SPAG16: variants seen among roughly 807,000 people sequenced by gnomAD.
SPAG16 encodes sperm-associated antigen 16 protein.
In SPAG16, 86 loss-of-function variants were observed where a neutral mutation model predicts 80.4. The observed-to-expected ratio is 1.07, with a 90% confidence interval of 0.90 to 1.28. The LOEUF is 1.28. SPAG16 is among the 50% of genes most tolerant of loss of function. The pLI, the probability that SPAG16 is intolerant of heterozygous loss-of-function variation, is 0.00. For synonymous variants in SPAG16, 294 were observed against 265.9 expected, an observed-to-expected ratio of 1.11 and a Z score of -1.03; for missense variants, 870 against 765.3, an observed-to-expected ratio of 1.14 and a Z score of -1.61.
intron 15 of SPAG16, among the ~76,000 whole-genome samples, chr2:214,330,112 G>GAAA (rs5838429): frequency 7.1e-6 from 1 of 139,914 alleles, no homozygotes; most frequent in Non-Finnish European, 1.5e-5. Context: ...ACCAAAAATA[G>GAAA]AAAAAAAAAA....
intron 12 of SPAG16, among the ~76,000 whole-genome samples, chr2:213,969,352 G>A (rs2044888576): frequency 2.0e-5 from 3 of 152,146 alleles, no homozygotes; most frequent in Admixed American, 2.0e-4. Context: ...GAGGTGCCGG[G>A]TGGTTAATCC....
intron 15 of SPAG16, among the ~76,000 whole-genome samples, chr2:214,360,707 C>T (rs1024889621): frequency 6.6e-6 from 1 of 151,810 alleles, no homozygotes; most frequent in Non-Finnish European, 1.5e-5. Flanking sequence ...GAAGTTTAAA[C>T]TTTCCCTCTG....
chr2:213,389,762 G>T (rs2067643983), intron 9 of SPAG16, among the ~76,000 whole-genome samples: 1 of 152,072 alleles, frequency 6.6e-6, no homozygotes, highest in Admixed American at 6.5e-5. Flanking sequence ...AAGTTAATTG[G>T]AACCATTGTT....
rs1456172089 is a variant in SPAG16, at chr2:213,695,008, A to AT, written c.1071-167471dup. Reference sequence around the variant, plus strand: ...CAAAATCTGTACTCTTTGGATCTTGATTTTTTATAGACTTGACATGTAAAA... The same window carrying AT: ...CAAAATCTGTACTCTTTGGATCTTGATTTTTTTATAGACTTGACATGTAAAA... On this transcript the variant is annotated intron_variant, in intron 10 of 15. Coordinates refer to ENST00000331683, the MANE Select transcript of SPAG16 (RefSeq NM_024532.5). 5.3e-5 allele frequency among the ~76,000 whole-genome samples: 8 copies of AT among 151,936 alleles called. No homozygotes were observed. In the East Asian group the frequency reaches 1.2e-3, roughly 22 times the overall value.
Position 213,490,130 on chromosome 2 carries a change from A to G in SPAG16, c.1070+40A>G, listed in dbSNP as rs922496676. The G allele has an allele frequency of 3.9e-6, 6 of 1,524,494 alleles. No homozygotes were observed. The African/African-American group carries it at 7.1e-5, about 18-fold the overall frequency. The allele number at this position is 1,524,494 out of a possible 1,614,324, so 94.4% of individuals were successfully genotyped here. On this transcript the variant is annotated intron_variant, in intron 10 of 15. Coordinates refer to ENST00000331683, the MANE Select transcript of SPAG16 (RefSeq NM_024532.5). ...GTTTTATTAATACTTTTGAGATTTT[A>G]TTTTCATGTCAAAATTTTAATGCTC...
intron 9 of SPAG16, chr2:213,396,840 C>A (rs1456046236): frequency 2.2e-5 from 5 of 230,656 alleles, no homozygotes; most frequent in Non-Finnish European, 4.5e-5. Context: ...TAAAAGGAGT[C>A]CAGGACTTCC....
intron 6 of SPAG16, among the ~76,000 whole-genome samples, chr2:213,342,258 CAA>C (rs2064723578): frequency 6.8e-6 from 1 of 147,738 alleles, no homozygotes; most frequent in Admixed American, 6.8e-5. Flanking sequence ...TAGTATGCAG[CAA>C]AGTGTATATA....
chr2:214,015,564 C>G (rs1025052674), intron 13 of SPAG16, among the ~76,000 whole-genome samples: 1 of 150,824 alleles, frequency 6.6e-6, no homozygotes, highest in Non-Finnish European at 1.5e-5. Context: ...TGCCATTGCA[C>G]TCTAGCCTGG....
intron 12 of SPAG16, among the ~76,000 whole-genome samples, chr2:214,006,292 A>G (rs772619554): frequency 5.3e-4 from 80 of 152,162 alleles, no homozygotes; most frequent in Non-Finnish European, 1.1e-3. Context: ...GGAAATAAAA[A>G]CCCTAAAATT....
At chr2:213,764,247 T>C (rs1382784837) in intron 10 of SPAG16, among the ~76,000 whole-genome samples, 2 of 152,202 alleles carry the variant, frequency 1.3e-5, no homozygotes, top group Non-Finnish European at 1.5e-5. Context: ...TAGGAGTAAT[T>C]TTCTTTCAGT....
intron 15 of SPAG16, among the ~76,000 whole-genome samples, chr2:214,192,303 TC>T (rs1304011846): frequency 6.6e-6 from 1 of 152,152 alleles, no homozygotes; most frequent in East Asian, 1.9e-4. Context: ...CCTTAATGTT[TC>T]TTTTTTCCTG....
chr2:213,780,351 G>C (rs1207372427), intron 10 of SPAG16, among the ~76,000 whole-genome samples: 1 of 152,072 alleles, frequency 6.6e-6, no homozygotes, highest in African/African-American at 2.4e-5. Flanking sequence ...TCTGATTCCA[G>C]GTCTCTTCCC....
At chr2:214,337,511 A>C (rs1247793336) in intron 15 of SPAG16, among the ~76,000 whole-genome samples, 1 of 152,212 alleles carries the variant, frequency 6.6e-6, no homozygotes, top group African/African-American at 2.4e-5. Flanking sequence ...TTATATTTCA[A>C]ATTAACTTAG....
chr2:214,164,502 T>G (rs888250569), intron 15 of SPAG16, among the ~76,000 whole-genome samples: 3 of 151,844 alleles, frequency 2.0e-5, no homozygotes, highest in African/African-American at 4.8e-5. Context: ...TTTTTGTGAG[T>G]GAGATTGGAT....
chr2:213,475,600 G>A (rs1261513408), intron 9 of SPAG16, among the ~76,000 whole-genome samples: 1 of 152,170 alleles, frequency 6.6e-6, no homozygotes, highest in Non-Finnish European at 1.5e-5. Flanking sequence ...TTATGCCATG[G>A]TTGTGAGTAT....
At chr2:214,136,195 A>G (rs538803331) in intron 14 of SPAG16, among the ~76,000 whole-genome samples, 2 of 152,254 alleles carry the variant, frequency 1.3e-5, no homozygotes, top group East Asian at 3.9e-4. Flanking sequence ...AGCCACACCT[A>G]TGACTCAAAA....
At chr2:214,106,927 C>G (rs143717030) in intron 13 of SPAG16, among the ~76,000 whole-genome samples, 21 of 152,204 alleles carry the variant, frequency 1.4e-4, no homozygotes, top group African/African-American at 4.6e-4. Flanking sequence ...AACTCCCTTC[C>G]TATACTTTGG....
intron 10 of SPAG16, among the ~76,000 whole-genome samples, chr2:213,579,705 T>C (rs1212639008): frequency 2.0e-5 from 3 of 152,158 alleles, no homozygotes; most frequent in Admixed American, 1.3e-4. Flanking sequence ...TGATTTGACT[T>C]AAAAGTCTAT....
chr2:214,324,631 C>A (rs936638653), intron 15 of SPAG16, among the ~76,000 whole-genome samples: 6 of 152,074 alleles, frequency 3.9e-5, no homozygotes, highest in African/African-American at 1.2e-4. Flanking sequence ...ACTTGCCAAC[C>A]CACGTCTGTG....
Sources: allele counts gnomAD v4.1 joint callset (sites outside exome capture counted in the v4.1 genomes callset), GRCh38; gene constraint gnomAD v4.1.1; transcripts MANE v1.5; gene names NCBI Gene and HGNC (gene_info 2026-07-23, HGNC 2026-07-21).